Variants in TMEM132D observed in about 807,000 individuals in gnomAD.
TMEM132D encodes mature OL transmembrane protein.
TMEM132D carries 21 observed loss-of-function variants against 62.3 expected under a neutral mutation model. The ratio of observed to expected loss-of-function variants is 0.34; its 90% CI spans 0.24 to 0.49. The LOEUF is 0.49. Ranked by LOEUF, TMEM132D falls within the 20% of genes least tolerant of loss-of-function variation. The pLI, the probability that TMEM132D is intolerant of heterozygous loss-of-function variation, is 0.99. For synonymous variants in TMEM132D, 621 were observed against 575.6 expected, an observed-to-expected ratio of 1.08 and a Z score of -1.13; for missense variants, 1,346 against 1,402.8, an observed-to-expected ratio of 0.96 and a Z score of 0.65.
intron 4 of TMEM132D, among the ~76,000 whole-genome samples, chr12:129,239,894 C>T (rs1879890074): frequency 6.6e-6 from 1 of 152,180 alleles, no homozygotes; most frequent in African/African-American, 2.4e-5. Flanking sequence ...AACGCCAATA[C>T]ACTTGGTGTA....
intron 2 of TMEM132D, among the ~76,000 whole-genome samples, chr12:129,562,213 T>C (rs1877254410): frequency 6.6e-6 from 1 of 152,200 alleles, no homozygotes; most frequent in Non-Finnish European, 1.5e-5. Context: ...ATTTTCATCA[T>C]TTCACCAGAT....
intron 1 of TMEM132D, among the ~76,000 whole-genome samples, chr12:129,836,740 A>T (rs1442204498): frequency 6.6e-6 from 1 of 152,098 alleles, no homozygotes; most frequent in Admixed American, 6.6e-5. Flanking sequence ...AAAAGAGATG[A>T]ATTACTGCAG....
intron 1 of TMEM132D, among the ~76,000 whole-genome samples, chr12:129,714,930 C>T (rs376168813): frequency 9.9e-5 from 15 of 152,280 alleles, no homozygotes; most frequent in East Asian, 9.7e-4. Flanking sequence ...GACTTTATCT[C>T]GTCTCCAGCC....
chr12:129,731,414 A>G (rs1342363129), intron 1 of TMEM132D, among the ~76,000 whole-genome samples: 3 of 152,288 alleles, frequency 2.0e-5, no homozygotes, highest in Admixed American at 1.3e-4. Flanking sequence ...GACAGGGGGA[A>G]GAGGATGCTA....
At chr12:129,199,304 GTTGC>G (rs1878631617) in intron 5 of TMEM132D, among the ~76,000 whole-genome samples, 2 of 152,010 alleles carry the variant, frequency 1.3e-5, no homozygotes, top group South Asian at 4.1e-4. Context: ...GTTTCGCCAT[GTTGC>G]TCAGGCTGGT....
At chr12:129,363,921 A>C (rs1350852379) in intron 3 of TMEM132D, among the ~76,000 whole-genome samples, 2 of 152,266 alleles carry the variant, frequency 1.3e-5, no homozygotes, top group African/African-American at 4.8e-5. Context: ...GGATTTGATC[A>C]AGAAGTTTGC....
chr12:129,710,523 C>T (rs1008672357), intron 1 of TMEM132D, among the ~76,000 whole-genome samples: 5 of 152,128 alleles, frequency 3.3e-5, no homozygotes, highest in African/African-American at 1.2e-4. Flanking sequence ...TCTCGAACTC[C>T]CGACCTCAGG....
At chr12:129,346,180 TC>T (rs1234372952) in intron 3 of TMEM132D, among the ~76,000 whole-genome samples, 4 of 152,220 alleles carry the variant, frequency 2.6e-5, no homozygotes, top group Non-Finnish European at 4.4e-5. Context: ...GGTGTGTTTG[TC>T]TAGGAATTTA....
At chr12:129,504,057 T>TGTC (rs982311697) in intron 3 of TMEM132D, among the ~76,000 whole-genome samples, 2 of 147,058 alleles carry the variant, frequency 1.4e-5, no homozygotes, top group Admixed American at 1.3e-4. Context: ...TCATCATCAT[T>TGTC]GTCATCATCA....
chr12:129,807,961 T>C (rs1176078524), intron 1 of TMEM132D, among the ~76,000 whole-genome samples: 1 of 152,192 alleles, frequency 6.6e-6, no homozygotes, highest in East Asian at 1.9e-4. Context: ...CAGCAAGTCT[T>C]GGGAATTTGC....
intron 2 of TMEM132D, among the ~76,000 whole-genome samples, chr12:129,611,388 C>T (rs1878770729): frequency 6.6e-6 from 1 of 152,146 alleles, no homozygotes; most frequent in Admixed American, 6.5e-5. Flanking sequence ...TGTAAATGTC[C>T]ACAGCTCTTG....
At chr12:129,578,071 A>G (rs1316520390) in intron 2 of TMEM132D, among the ~76,000 whole-genome samples, 1 of 152,116 alleles carries the variant, frequency 6.6e-6, no homozygotes, top group South Asian at 2.1e-4. Flanking sequence ...GAGCTGGGAC[A>G]TCTGTTTTCT....
rs544471623 is a variant in TMEM132D, at chr12:129,733,134, T to C, written c.80-32436A>G. On this transcript the variant is annotated intron_variant, in intron 1 of 8. Transcript: ENST00000422113. ...CTGAGTTGTGTGCCTAGTGAATTTC[T>C]CGTCTAGTTTCATCCTACTGAATTA... 1.2e-3 allele frequency among the ~76,000 whole-genome samples: 184 copies of C among 152,314 alleles called. 1 individual carries two copies. Among genetic ancestry groups the C allele is most frequent in the African/African-American group, 4.3e-3 (177 of 41,584 alleles).
intron 2 of TMEM132D, among the ~76,000 whole-genome samples, chr12:129,659,440 T>C (rs1411985494): frequency 2.0e-5 from 3 of 152,216 alleles, no homozygotes; most frequent in Admixed American, 2.0e-4. Flanking sequence ...GTCACTTTCT[T>C]ATATTCAAAC....
At chr12:129,563,727 G>A (rs556564222) in intron 2 of TMEM132D, among the ~76,000 whole-genome samples, 1 of 152,262 alleles carries the variant, frequency 6.6e-6, no homozygotes, top group African/African-American at 2.4e-5. Context: ...AGACAAGAGG[G>A]AGGGTCAACC....
intron 2 of TMEM132D, among the ~76,000 whole-genome samples, chr12:129,547,356 G>A (rs147381705): frequency 0.013 from 2,015 of 152,084 alleles, 24 homozygotes; most frequent in Non-Finnish European, 0.021. Context: ...CTCCTGCCTC[G>A]GCCTCCCAAG....
chr12:129,616,539 G>C (rs150379146), intron 2 of TMEM132D, among the ~76,000 whole-genome samples: 1,867 of 152,270 alleles, frequency 0.012, 21 homozygotes, highest in Middle Eastern at 0.02. Flanking sequence ...GGGACCCAGT[G>C]GGAGGAAATT....
At chr12:129,124,094 C>T (rs1004321959) in intron 5 of TMEM132D, among the ~76,000 whole-genome samples, 4 of 152,132 alleles carry the variant, frequency 2.6e-5, no homozygotes, top group Non-Finnish European at 5.9e-5. Context: ...CCAACTAATA[C>T]AGGTAGCCTC....
At chr12:129,415,209 TA>T (rs1872081683) in intron 3 of TMEM132D, among the ~76,000 whole-genome samples, 1 of 152,206 alleles carries the variant, frequency 6.6e-6, no homozygotes, top group Non-Finnish European at 1.5e-5. Context: ...TGTTGGATCG[TA>T]TGGTTGTTCT....
Sources: allele counts gnomAD v4.1 joint callset (sites outside exome capture counted in the v4.1 genomes callset), GRCh38; gene constraint gnomAD v4.1.1; transcripts MANE v1.5; gene names NCBI Gene and HGNC (gene_info 2026-07-23, HGNC 2026-07-21).